The following FSHR variants were observed in gnomAD, a reference collection of about 807,000 sequenced individuals.
FSHR encodes the protein follicle stimulating hormone receptor, also known as follicle-stimulating hormone receptor.
FSHR carries 46 observed loss-of-function variants against 52.1 expected under a neutral mutation model. The observed-to-expected ratio is 0.88, with a 90% CI of 0.70 to 1.13. FSHR has a LOEUF of 1.13. Among genes scored for constraint, FSHR ranks in the 50% most tolerant of loss-of-function variants. FSHR has a pLI of 0.00. For missense variants in FSHR, 964 were observed against 834.6 expected (o/e 1.16, Z -1.91); for synonymous variants, 399 against 309.6 (o/e 1.29, Z -3.03).
intron 2 of FSHR, among the ~76,000 whole-genome samples, chr2:49,030,124 C>G (rs1668047698): frequency 6.6e-6 from 1 of 152,206 alleles, no homozygotes; most frequent in South Asian, 2.1e-4. Flanking sequence ...GAAAGGACTT[C>G]TGGCCTGAGC....
intron 2 of FSHR, among the ~76,000 whole-genome samples, chr2:49,039,284 G>A (rs529710946): frequency 1.3e-5 from 2 of 152,164 alleles, no homozygotes; most frequent in South Asian, 4.1e-4. Flanking sequence ...TCTTTTTCCT[G>A]TGTTACCAAG....
intron 2 of FSHR, among the ~76,000 whole-genome samples, chr2:49,055,682 A>T (rs1167793464): frequency 1.3e-5 from 2 of 152,038 alleles, no homozygotes; most frequent in African/African-American, 4.8e-5. Context: ...GTCACATATT[A>T]AAAAATCCAC....
intron 2 of FSHR, among the ~76,000 whole-genome samples, chr2:49,048,135 C>T (rs1668725004): frequency 6.6e-6 from 1 of 152,116 alleles, no homozygotes; most frequent in Non-Finnish European, 1.5e-5. Context: ...ATCTGCCAGT[C>T]ACAGCCTCCC....
chr2:49,132,176 C>T (rs1395253266), intron 1 of FSHR, among the ~76,000 whole-genome samples: 1 of 152,102 alleles, frequency 6.6e-6, no homozygotes, highest in East Asian at 1.9e-4. Context: ...GGATGATGTA[C>T]TGCTTTGTTT....
chr2:49,113,823 T>C (rs1370085114), intron 1 of FSHR, among the ~76,000 whole-genome samples: 1 of 152,118 alleles, frequency 6.6e-6, no homozygotes, highest in African/African-American at 2.4e-5. Flanking sequence ...ATGCCAGATA[T>C]GTTGGCAGTA....
chr2:49,072,727 A>C (rs575246525), intron 1 of FSHR, among the ~76,000 whole-genome samples: 1 of 152,152 alleles, frequency 6.6e-6, no homozygotes, highest in African/African-American at 2.4e-5. Context: ...CTTTGAGTTT[A>C]TTGGTAACAT....
At chr2:49,109,661 A>T (rs1017318617) in intron 1 of FSHR, among the ~76,000 whole-genome samples, 1 of 152,130 alleles carries the variant, frequency 6.6e-6, no homozygotes, top group Non-Finnish European at 1.5e-5. Flanking sequence ...GCCACCTGCC[A>T]TGGAACTTTT....
intron 1 of FSHR, among the ~76,000 whole-genome samples, chr2:49,134,902 C>T (rs886182314): frequency 1.5e-4 from 23 of 151,898 alleles, no homozygotes; most frequent in African/African-American, 5.1e-4. Flanking sequence ...ACATCACACT[C>T]TGGGGACTGT....
intron 1 of FSHR, among the ~76,000 whole-genome samples, chr2:49,145,746 C>G (rs530436382): frequency 1.3e-5 from 2 of 151,924 alleles, no homozygotes; most frequent in Non-Finnish European, 2.9e-5. Flanking sequence ...CTTGCCTTTC[C>G]TATTGATTGT....
intron 4 of FSHR, among the ~76,000 whole-genome samples, chr2:48,991,738 G>A (rs750310200): frequency 8.5e-5 from 13 of 152,146 alleles, no homozygotes; most frequent in African/African-American, 2.4e-4. Flanking sequence ...ATTATTGGAC[G>A]CATTGTTCTT....
chr2:49,104,336 G>T (rs1671149515), intron 1 of FSHR, among the ~76,000 whole-genome samples: 1 of 152,118 alleles, frequency 6.6e-6, no homozygotes, highest in African/African-American at 2.4e-5. Flanking sequence ...GTGGAAATAG[G>T]TGATGCCACA....
chr2:49,069,457 G>A (rs1425663177), intron 1 of FSHR, among the ~76,000 whole-genome samples: 1 of 152,046 alleles, frequency 6.6e-6, no homozygotes, highest in East Asian at 1.9e-4. Flanking sequence ...CTTTCCTGCT[G>A]CTTTAATTTT....
At chr2:49,085,767 T>C (rs1572723620) in intron 1 of FSHR, among the ~76,000 whole-genome samples, 1 of 152,172 alleles carries the variant, frequency 6.6e-6, no homozygotes, top group Admixed American at 6.5e-5. Flanking sequence ...ATATACACCA[T>C]GGAATACTAT....
intron 5 of FSHR, among the ~76,000 whole-genome samples, chr2:48,990,068 T>G (rs1675699256): frequency 6.6e-6 from 1 of 152,190 alleles, no homozygotes. Context: ...ATTTCACTAT[T>G]GGGAATAGTT....
chr2:49,149,013 A>G (rs1672967137), intron 1 of FSHR, among the ~76,000 whole-genome samples: 1 of 152,018 alleles, frequency 6.6e-6, no homozygotes, highest in African/African-American at 2.4e-5. Context: ...AAGTAATTAT[A>G]TAATCCAGGA....
intron 2 of FSHR, among the ~76,000 whole-genome samples, chr2:49,047,501 G>C (rs1668704961): frequency 1.3e-5 from 2 of 152,222 alleles, no homozygotes; most frequent in Admixed American, 6.5e-5. Flanking sequence ...TGTACACACA[G>C]ACTTTGTGGT....
At chr2:49,117,729 C>T (rs985128781) in intron 1 of FSHR, among the ~76,000 whole-genome samples, 1 of 152,200 alleles carries the variant, frequency 6.6e-6, no homozygotes, top group Non-Finnish European at 1.5e-5. Context: ...TCCTGCCTCG[C>T]TTTCCGTTTT....
At chr2:49,146,800 G>T (rs1504182) in intron 1 of FSHR, among the ~76,000 whole-genome samples, 67,283 of 151,856 alleles carry the variant, frequency 0.44, 15,210 homozygotes, top group East Asian at 0.7. Context: ...CTCAATTTGT[G>T]GATCTTTCTG....
intron 2 of FSHR, among the ~76,000 whole-genome samples, chr2:49,055,654 G>A (rs926467302): frequency 4.0e-5 from 6 of 150,756 alleles, no homozygotes; most frequent in Non-Finnish European, 7.4e-5. Context: ...TCTAAAAACA[G>A]GAAGAGAAAA....
Sources: gnomAD v4.1 joint callset for allele counts (sites outside exome capture counted in the v4.1 genomes callset) on GRCh38, gnomAD v4.1.1 for gene constraint, MANE v1.5 for transcripts, NCBI Gene and HGNC (gene_info 2026-07-23, HGNC 2026-07-21) for gene names.